Variants in WDR86 observed in about 807,000 individuals in gnomAD.
WDR86 encodes the protein WD repeat domain 86.
WDR86 carries 30 observed loss-of-function variants against 36.5 expected under a neutral mutation model. The observed-to-expected ratio is 0.82, with a 90% confidence interval of 0.61 to 1.11. WDR86 has a LOEUF of 1.11. WDR86 is among the 50% of genes most tolerant of loss of function. WDR86 has a pLI of 0.00. For missense variants in WDR86, 545 were observed against 561.2 expected (o/e 0.97, Z 0.29); for synonymous variants, 255 against 252.9 (o/e 1.01, Z -0.08).
At chr7:151,398,698 G>A (rs1301891870) in intron 2 of WDR86, among the ~76,000 whole-genome samples, 1 of 151,474 alleles carries the variant, frequency 6.6e-6, no homozygotes, top group East Asian at 1.9e-4. Context: ...GTATATGTAT[G>A]TTGTGTGTGT....
rs910745252 is a variant in WDR86, at chr7:151,388,575, G to A, written c.727-3352C>T. Among the ~76,000 whole-genome samples the A allele has an allele frequency of 6.6e-6, 1 of 152,200 alleles. No homozygotes were observed. Among genetic ancestry groups the A allele is most frequent in the African/African-American group, 2.4e-5 (1 of 41,446 alleles). ...CTCCAAAGGAGGCCTGTGTGCTCCT[G>A]GCTCTGTCCCCACCTGGCTTCTGGG... On this transcript the variant is annotated intron_variant, in intron 3 of 5. Transcript: ENST00000334493. The surrounding 1 kb of genome is among the most constrained non-coding windows in gnomAD (Gnocchi z 4.2).
chr7:151,379,058 C>T (rs952666688), downstream of WDR86, among the ~76,000 whole-genome samples: 131 of 152,136 alleles, frequency 8.6e-4, no homozygotes, highest in Non-Finnish European at 1.8e-4. Flanking sequence ...GAGGAGAGGC[C>T]GTTGCAGAGG....
intron 3 of WDR86, among the ~76,000 whole-genome samples, chr7:151,389,118 CT>C (rs34882878): frequency 0.58 from 72,394 of 125,216 alleles, 17,269 homozygotes; most frequent in African/African-American, 0.64. Flanking sequence ...CTTTTCTTTC[CT>C]TTTTTTTTTT....
At chr7:151,374,473 T>TGTCCACACCAGCACA, downstream of WDR86, 1 of 613,734 alleles carries the variant, frequency 1.6e-6, no homozygotes, top group Non-Finnish European at 2.9e-6. Flanking sequence ...ACGTGGTGCC[T>TGTCCACACCAGCACA]GTCCACACCA....
chr7:151,374,250 G>T, downstream of WDR86: 1 of 1,552,062 alleles, frequency 6.4e-7, no homozygotes, highest in Middle Eastern at 1.7e-4. Context: ...GAAGGTAGCA[G>T]CTCCCTCGGG....
chr7:151,400,276 TG>T, intron 1 of WDR86, 35 bp from the exon 2 acceptor site: 1 of 1,519,732 alleles, frequency 6.6e-7, no homozygotes, highest in Non-Finnish European at 8.9e-7. Flanking sequence ...GTGAGCGTAC[TG>T]GGGATGCCAG....
chr7:151,400,332 C>T, intron 1 of WDR86, 91 bp from the exon 2 acceptor site: 1 of 1,360,768 alleles, frequency 7.3e-7, no homozygotes, highest in Non-Finnish European at 9.8e-7. Flanking sequence ...GGGAAGAAAG[C>T]AGGATGTAGG....
chr7:151,395,997 C>T lies in WDR86; in HGVS notation c.505G>A (p.Gly169Ser), dbSNP rs201517739. 3.4e-4 allele frequency: 543 copies of T among 1,600,008 alleles called. No individual in the cohort carries two copies. The highest frequency in any genetic ancestry group is 4.3e-4 in the Non-Finnish European group (510 of 1,174,678). The change falls in exon 3 of 6, where the codon GGC (glycine) becomes AGC (serine). Residue 169 changes from glycine (G) to serine (S), a missense_variant. Coordinates refer to ENST00000334493, the MANE Select transcript of WDR86 (RefSeq NM_198285.3). ...ACCTTGGCTGTGCCATCTGTGCTGCCGGTCACCAGAAGCCCCCCGGCCGCG... is the reference window on the plus strand; with the variant it reads ...ACCTTGGCTGTGCCATCTGTGCTGCTGGTCACCAGAAGCCCCCCGGCCGCG... ...EAAAGGLLVT[G>S]STDGTAKVWQ...
downstream of WDR86, chr7:151,376,425 T>C: frequency 1.8e-6 from 1 of 559,402 alleles, no homozygotes; most frequent in Non-Finnish European, 3.1e-6. Flanking sequence ...AGATGGCTGC[T>C]CCCTGACGCA....
At position 151,390,239 on chromosome 7, in the gene WDR86, AACG is replaced by A. The variant is rs1384125041; in HGVS notation, c.727-5019_727-5017del. On this transcript the variant is annotated intron_variant, in intron 3 of 5. Coordinates refer to ENST00000334493, the MANE Select transcript of WDR86 (RefSeq NM_198285.3). The surrounding 1 kb of genome is among the most constrained non-coding windows in gnomAD (Gnocchi z 4.5). ...ATGAAAAGTCCCTGGTTCAGCCCTC[AACG>A]ACAGAGCTCTCCCCGTGAAAACAGA... Among the ~76,000 whole-genome samples, 1 of 152,168 alleles carries A rather than the reference AACG, an allele frequency of 6.6e-6. No individual in the cohort carries two copies. Among genetic ancestry groups the A allele is most frequent in the Non-Finnish European group, 1.5e-5 (1 of 68,024 alleles).
intron 1 of WDR86, among the ~76,000 whole-genome samples, chr7:151,400,957 GTAAAAAACACACCCC>G (rs1800240961): frequency 6.6e-6 from 1 of 152,198 alleles, no homozygotes; most frequent in Non-Finnish European, 1.5e-5. Context: ...CATTACAATA[GTAAAAAACACACCCC>G]TGGATGGAGA....
At chr7:151,377,188 A>G, downstream of WDR86, 2 of 1,566,310 alleles carry the variant, frequency 1.3e-6, no homozygotes, top group Middle Eastern at 1.7e-4. Context: ...TACCTATCCT[A>G]TGTAGAAAAT....
Position 151,381,132 on chromosome 7 carries a change from T to C in WDR86, c.*450A>G, listed in dbSNP as rs2286418. 65,797 of 1,230,248 alleles carry C rather than the reference T, an allele frequency of 0.053. 2,066 individuals are homozygous for C. The highest frequency in any genetic ancestry group is 0.12 in the South Asian group (2,920 of 24,100). 76.2% of individuals were successfully genotyped at this position (1,230,248 alleles called of 1,614,324 possible). ...AGAGGACACAGGAGCACTTTTAACG[T>C]TCAGGCTGTATATTTCAGTTCCCCC... On this transcript the variant is annotated 3_prime_UTR_variant, in exon 6 of 6. Transcript: ENST00000334493. This position sits in a 1 kb window ranked among gnomAD's most constrained non-coding sequence, Gnocchi z 4.8.
rs4726021 is a variant in WDR86, at chr7:151,388,510, G to C, written c.727-3287C>G. Among the ~76,000 whole-genome samples the C allele has an allele frequency of 6.6e-6, 1 of 152,008 alleles. No individual in the cohort carries two copies. The highest frequency in any genetic ancestry group is 2.4e-5 in the African/African-American group (1 of 41,416). On this transcript the variant is annotated intron_variant, in intron 3 of 5. Transcript: ENST00000334493. The surrounding 1 kb of genome is among the most constrained non-coding windows in gnomAD (Gnocchi z 4.2). ...CTGGCTTTTTGACCTTGGGTTTGTC[G>C]CTTAGAAGCAGGTCCTCACACCATC...
intron 2 of WDR86, among the ~76,000 whole-genome samples, chr7:151,397,645 T>G (rs1296139170): frequency 1.5e-5 from 2 of 129,070 alleles, no homozygotes; most frequent in African/African-American, 2.8e-5. Flanking sequence ...AGGAAGGGCA[T>G]AGCGGGAGGA....
chr7:151,402,070 A>AAAAAAAATAT, intron 1 of WDR86, among the ~76,000 whole-genome samples: 16 of 50,528 alleles, frequency 3.2e-4, no homozygotes, highest in East Asian at 1.5e-3. Flanking sequence ...AAAAAAAAAA[A>AAAAAAAATAT]ATATATATAT....
chr7:151,382,044 G>T, intron 4 of WDR86, 63 bp from the exon 5 acceptor site: 1 of 1,467,590 alleles, frequency 6.8e-7, no homozygotes, highest in South Asian at 1.2e-5. Context: ...GCAGGGATGG[G>T]GCGGCGAGAG....
At chr7:151,397,362 A>G (rs1423228014) in intron 2 of WDR86, among the ~76,000 whole-genome samples, 2 of 152,336 alleles carry the variant, frequency 1.3e-5, no homozygotes, top group East Asian at 3.9e-4. Flanking sequence ...TCAAATGCCA[A>G]CTATCCCTTT....
chr7:151,374,342 A>G (rs1480598061), downstream of WDR86: 20 of 1,412,544 alleles, frequency 1.4e-5, no homozygotes, highest in East Asian at 2.5e-5. Context: ...GCTCACTCCT[A>G]TGGGCTGCCC....
Sources: gnomAD v4.1 joint callset for allele counts (sites outside exome capture counted in the v4.1 genomes callset) on GRCh38, gnomAD v4.1.1 for gene constraint, Gnocchi (gnomAD v3.1) non-coding constraint, MANE v1.5 for transcripts, NCBI Gene and HGNC (gene_info 2026-07-23, HGNC 2026-07-21) for gene names.